CTNNA3: variants seen among roughly 807,000 people sequenced by gnomAD.
CTNNA3 encodes the protein catenin alpha-3.
A neutral mutation model predicts 95.7 loss-of-function variants in CTNNA3; 76 were observed. The observed-to-expected ratio is 0.79, with a 90% CI of 0.66 to 0.96. The LOEUF is 0.96. CTNNA3 is among the 40% of genes least tolerant of loss of function. CTNNA3 has a pLI of 0.00. For synonymous variants in CTNNA3, 431 were observed against 374.4 expected (o/e 1.15, Z -1.74); for missense variants, 1,191 against 1,089.8 (o/e 1.09, Z -1.31).
chr10:66,962,688 G>T (rs1168237205), intron 7 of CTNNA3, among the ~76,000 whole-genome samples: 1 of 152,058 alleles, frequency 6.6e-6, no homozygotes, highest in African/African-American at 2.4e-5. Context: ...TGGGATTACA[G>T]GCGTGAGCCA....
chr10:67,568,230 CTGTT>C (rs1311474878), intron 3 of CTNNA3, among the ~76,000 whole-genome samples: 1 of 131,212 alleles, frequency 7.6e-6, no homozygotes, highest in East Asian at 2.2e-4. Context: ...AGGCTACAGA[CTGTT>C]TTTTTTTTTG....
chr10:66,672,246 CA>C (rs142288212), intron 9 of CTNNA3, among the ~76,000 whole-genome samples: 1 of 151,604 alleles, frequency 6.6e-6, no homozygotes, highest in African/African-American at 2.4e-5. Context: ...CATTTTTTAT[CA>C]AAAAAAAAAT....
intron 1 of CTNNA3, among the ~76,000 whole-genome samples, chr10:67,649,930 C>T (rs1839829080): frequency 6.6e-6 from 1 of 152,176 alleles, no homozygotes; most frequent in Non-Finnish European, 1.5e-5. Flanking sequence ...ACCTCCGCCT[C>T]CCAAGTTCAA....
intron 16 of CTNNA3, among the ~76,000 whole-genome samples, chr10:65,970,156 A>T (rs1326584258): frequency 6.6e-6 from 1 of 152,168 alleles, no homozygotes; most frequent in African/African-American, 2.4e-5. Flanking sequence ...TTCAACAAAA[A>T]GTTCATATCC....
intron 7 of CTNNA3, among the ~76,000 whole-genome samples, chr10:67,118,775 C>T (rs546269262): frequency 2.3e-4 from 35 of 151,850 alleles, no homozygotes; most frequent in African/African-American, 8.2e-4. Flanking sequence ...ATGAACTAAG[C>T]ATTTCTCAAT....
At chr10:67,567,454 G>A (rs1841846347) in intron 3 of CTNNA3, among the ~76,000 whole-genome samples, 2 of 151,950 alleles carry the variant, frequency 1.3e-5, no homozygotes, top group African/African-American at 4.8e-5. Context: ...GGGTTAGAGC[G>A]GAGAGGATAG....
At chr10:66,830,776 A>AT (rs991564585) in intron 7 of CTNNA3, among the ~76,000 whole-genome samples, 2 of 151,734 alleles carry the variant, frequency 1.3e-5, no homozygotes, top group African/African-American at 4.8e-5. Flanking sequence ...CGCCCGGCTA[A>AT]TTTTTTGTAT....
intron 2 of CTNNA3, among the ~76,000 whole-genome samples, chr10:67,632,836 G>A (rs1839189652): frequency 6.6e-6 from 1 of 152,062 alleles, no homozygotes. Context: ...CGAGAGATCT[G>A]TCCGTATATA....
At chr10:66,336,432 G>A (rs1257912952) in intron 12 of CTNNA3, among the ~76,000 whole-genome samples, 1 of 152,002 alleles carries the variant, frequency 6.6e-6, no homozygotes, top group Non-Finnish European at 1.5e-5. Flanking sequence ...GCCACCGTTT[G>A]TCTAGTCATT....
intron 17 of CTNNA3, among the ~76,000 whole-genome samples, chr10:65,940,189 ATCTGTACTCT>A (rs1347132964): frequency 1.3e-5 from 2 of 152,178 alleles, no homozygotes; most frequent in African/African-American, 4.8e-5. Flanking sequence ...AATCCACATG[ATCTGTACTCT>A]TCAATGTGGA....
chr10:67,275,089 G>A (rs904831313), intron 5 of CTNNA3, among the ~76,000 whole-genome samples: 1 of 152,128 alleles, frequency 6.6e-6, no homozygotes, highest in African/African-American at 2.4e-5. Context: ...CAGTAAAAAT[G>A]TTCCAGAGAA....
At chr10:66,363,645 G>A (rs1307465681) in intron 12 of CTNNA3, among the ~76,000 whole-genome samples, 7 of 152,100 alleles carry the variant, frequency 4.6e-5, no homozygotes, top group African/African-American at 1.4e-4. Flanking sequence ...AAACATATTA[G>A]GGGAAGTGAA....
intron 9 of CTNNA3, among the ~76,000 whole-genome samples, chr10:66,733,382 T>C (rs1849026467): frequency 1.3e-5 from 2 of 151,972 alleles, no homozygotes; most frequent in South Asian, 4.1e-4. Flanking sequence ...TTATAACATA[T>C]TATGATTTTT....
chr10:67,426,659 G>T (rs1845933326), intron 5 of CTNNA3, among the ~76,000 whole-genome samples: 1 of 151,978 alleles, frequency 6.6e-6, no homozygotes, highest in South Asian at 2.1e-4. Context: ...CCTGTCGGGA[G>T]GTGGGAGCCT....
At chr10:67,746,140 A>T (rs564462739) in intron 1 of CTNNA3, among the ~76,000 whole-genome samples, 2 of 152,332 alleles carry the variant, frequency 1.3e-5, no homozygotes, top group East Asian at 3.9e-4. Context: ...AAAACAACAA[A>T]GCTGGAAGCA....
intron 1 of CTNNA3, among the ~76,000 whole-genome samples, chr10:67,664,377 C>T (rs934766884): frequency 2.0e-5 from 3 of 152,050 alleles, no homozygotes; most frequent in African/African-American, 7.2e-5. Context: ...TATTTTTCAC[C>T]AAAACACGAG....
chr10:66,359,013 A>C (rs2394203), intron 12 of CTNNA3, among the ~76,000 whole-genome samples: 13,863 of 152,238 alleles, frequency 0.091, 776 homozygotes, highest in East Asian at 0.21. Flanking sequence ...ACAGTTAAAC[A>C]ACTGAAAGAT....
At chr10:67,760,281 ACT>A (rs2131757894) in intron 1 of CTNNA3, among the ~76,000 whole-genome samples, 1 of 151,976 alleles carries the variant, frequency 6.6e-6, no homozygotes, top group South Asian at 2.1e-4. Flanking sequence ...TCAACTCGTG[ACT>A]CTTCCCTACT....
In CTNNA3 at chr10:66,992,237, T is replaced by G. The variant is rs910635226; in HGVS notation, c.1047+188080A>C. Among the ~76,000 whole-genome samples, 4 of 152,214 alleles carry G rather than the reference T, an allele frequency of 2.6e-5. No homozygotes were observed. In the South Asian group the frequency reaches 8.3e-4, roughly 31 times the overall value. On this transcript the variant is annotated intron_variant, in intron 7 of 17. Transcript: ENST00000433211. ...TGGCTGTGAGATGCAATTTTATTAT[T>G]GATTTAATTTTTATTTCCCTAATCA...
Sources: allele counts gnomAD v4.1 joint callset (sites outside exome capture counted in the v4.1 genomes callset), GRCh38; gene constraint gnomAD v4.1.1; transcripts MANE v1.5; gene names NCBI Gene and HGNC (gene_info 2026-07-23, HGNC 2026-07-21).